ARHGEF33: variants seen among roughly 807,000 people sequenced by gnomAD.
The protein encoded by ARHGEF33 is DH and coiled-coil domain-containing protein ENSP00000381780.
ARHGEF33 carries 72 observed loss-of-function variants against 101.9 expected under a neutral mutation model. That is an observed-to-expected ratio of 0.71 (90% CI 0.58 to 0.86). ARHGEF33 has a LOEUF of 0.86. Among genes scored for constraint, ARHGEF33 ranks in the 40% least tolerant of loss-of-function variants. The pLI is 0.00. For synonymous variants in ARHGEF33, 499 were observed against 442.5 expected (o/e 1.13, Z -1.60); for missense variants, 1,169 against 1,111.3 (o/e 1.05, Z -0.74).
Position 38,889,894 on chromosome 2 carries a change from C to T in ARHGEF33, c.-251C>T, listed in dbSNP as rs1427725944. On this transcript the variant is annotated 5_prime_UTR_variant, in exon 1 of 18. Transcript: ENST00000409978. ...GGTCTCGTTTCAGGGGAAGTCAAGC[C>T]TCTCTACTGCTTCTTTTTATAACCT... 2.1e-6 allele frequency: 1 copy of T among 470,806 alleles called. No homozygotes were observed. Among genetic ancestry groups the T allele is most frequent in the Non-Finnish European group, 4.4e-6 (1 of 226,942 alleles). The allele number at this position is 470,806 out of a possible 1,614,324, so 29.2% of individuals were successfully genotyped here.
Position 38,975,154 on chromosome 2 carries a change from TGTAA to T in ARHGEF33, c.*1314_*1317del, listed in dbSNP as rs1230807366. ...TTGATAAAATAGGCAAAGGTTCACA[TGTAA>T]GTGTTGCAAGTTTTCTTCTCCTTGT... On this transcript the variant is annotated 3_prime_UTR_variant, in exon 18 of 18. Transcript: ENST00000409978. 6 of 152,234 alleles carry T rather than the reference TGTAA, an allele frequency of 3.9e-5. No individual in the cohort carries two copies. Among genetic ancestry groups the T allele is most frequent in the East Asian group, 1.9e-4 (1 of 5,202 alleles). The allele number at this position is 152,234 out of a possible 1,614,324, so 9.4% of individuals were successfully genotyped here. A position where few individuals can be genotyped will look rare whatever the true frequency, so the allele number is the denominator to read the frequency against.
At chr2:38,911,814 A>G (rs932404107) in intron 2 of ARHGEF33, among the ~76,000 whole-genome samples, 1 of 152,182 alleles carries the variant, frequency 6.6e-6, no homozygotes, top group Non-Finnish European at 1.5e-5. Flanking sequence ...AGGTTGAGGC[A>G]GTGAGCCATG....
chr2:38,929,914 C>T, intron 6 of ARHGEF33, 84 bp downstream of exon 6: 1 of 1,229,408 alleles, frequency 8.1e-7, no homozygotes, highest in Admixed American at 2.3e-5. Context: ...TCCCCACTAT[C>T]AGTGTATAGC....
chr2:38,931,472 A>G (rs771380264), intron 7 of ARHGEF33, among the ~76,000 whole-genome samples: 27 of 152,120 alleles, frequency 1.8e-4, no homozygotes, highest in Non-Finnish European at 3.7e-4. Flanking sequence ...GGGGAATACT[A>G]ATCTGGATAC....
intron 2 of ARHGEF33, among the ~76,000 whole-genome samples, chr2:38,905,501 A>T (rs1004032126): frequency 6.6e-6 from 1 of 152,318 alleles, no homozygotes; most frequent in Admixed American, 6.5e-5. Flanking sequence ...AACGCTCCTT[A>T]TACTACAGAT....
chr2:38,928,673 G>T, intron 4 of ARHGEF33: 4 of 301,216 alleles, frequency 1.3e-5, no homozygotes, highest in Non-Finnish European at 1.8e-5. Context: ...TTAACAGCTT[G>T]CTTTCTTGTC....
chr2:38,910,470 G>A (rs1666485281), intron 2 of ARHGEF33, among the ~76,000 whole-genome samples: 1 of 152,182 alleles, frequency 6.6e-6, no homozygotes, highest in Non-Finnish European at 1.5e-5. Context: ...CTACTCGGGA[G>A]GCTGAGGCAG....
chr2:38,924,565 A>G (rs545286520), intron 4 of ARHGEF33, among the ~76,000 whole-genome samples: 1 of 152,310 alleles, frequency 6.6e-6, no homozygotes, highest in African/African-American at 2.4e-5. Context: ...TTTTAAGCTC[A>G]CTTGTAGCCT....
intron 10 of ARHGEF33, among the ~76,000 whole-genome samples, chr2:38,948,875 C>A (rs550197212): frequency 2.2e-4 from 34 of 152,172 alleles, no homozygotes; most frequent in Admixed American, 2.2e-3. Flanking sequence ...CAGTATACCC[C>A]GTAGCTACCC....
At chr2:38,956,477 A>C (rs1031326793) in intron 13 of ARHGEF33, among the ~76,000 whole-genome samples, 69 of 152,218 alleles carry the variant, frequency 4.5e-4, no homozygotes, top group Admixed American at 1.7e-3. Context: ...CGGGGAATGT[A>C]ACAGAAGGGG....
At chr2:38,919,700 C>G (rs781134669) in intron 3 of ARHGEF33, among the ~76,000 whole-genome samples, 4 of 152,166 alleles carry the variant, frequency 2.6e-5, no homozygotes, top group East Asian at 1.9e-4. Context: ...CTTTAGGACT[C>G]CCTCAGAACA....
chr2:38,960,365 G>A lies in ARHGEF33; in HGVS notation c.2060G>A (p.Ser687Asn). The A allele has an allele frequency of 2.6e-6, 4 of 1,528,100 alleles. No homozygotes were observed. Among genetic ancestry groups the A allele is most frequent in the Non-Finnish European group, 3.5e-6 (4 of 1,141,864 alleles). The allele number at this position is 1,528,100 out of a possible 1,614,324, so 94.7% of individuals were successfully genotyped here. A position where few individuals can be genotyped will look rare whatever the true frequency, so the allele number is the denominator to read the frequency against. The change falls in exon 16 of 18, where the codon AGC becomes AAC. Residue 687 changes from serine (S) to asparagine (N), a missense_variant. Transcript: ENST00000409978. The part of the protein sequence containing the change: ...PKSATSPAGS[S>N]SAYKLEAAAQ... Reference sequence around the variant, plus strand: ...AGCGCTACGTCGCCGGCGGGCAGCAGCAGCGCCTACAAACTGGAGGCGGCG... The same window carrying A: ...AGCGCTACGTCGCCGGCGGGCAGCAACAGCGCCTACAAACTGGAGGCGGCG...
Position 38,925,473 on chromosome 2 carries a change from C to T in ARHGEF33, c.76-3434C>T, listed in dbSNP as rs575792153. ...CTAGGCCTGTGGTGTATCCAGGGAT[C>T]GATAAGCACACCAGGCTGCATGTCA... On this transcript the variant is annotated intron_variant, in intron 4 of 17. Transcript: ENST00000409978. Among the ~76,000 whole-genome samples, 37 of 152,200 alleles carry T rather than the reference C, an allele frequency of 2.4e-4. 2 individuals carry two copies. The highest frequency in any genetic ancestry group is 1.8e-3 in the Admixed American group (28 of 15,286).
intron 13 of ARHGEF33, 110 bp downstream of exon 13, chr2:38,954,566 A>G (rs947006068): frequency 9.9e-6 from 7 of 704,076 alleles, no homozygotes; most frequent in African/African-American, 7.1e-5. Flanking sequence ...AATATTTCTA[A>G]GAAGTGTTTA....
At chr2:38,894,640 A>G (rs1204827538) in intron 1 of ARHGEF33, among the ~76,000 whole-genome samples, 1 of 152,038 alleles carries the variant, frequency 6.6e-6, no homozygotes, top group African/African-American at 2.4e-5. Flanking sequence ...CTAGGTCTCC[A>G]CCTATCTCAC....
At chr2:38,931,820 C>A (rs191639729) in intron 7 of ARHGEF33, among the ~76,000 whole-genome samples, 1 of 152,334 alleles carries the variant, frequency 6.6e-6, no homozygotes, top group Admixed American at 6.5e-5. Flanking sequence ...TTTGTATCCT[C>A]AACCATGTCT....
At chr2:38,928,721 A>G in intron 4 of ARHGEF33, 186 bp from the exon 5 acceptor site, 1 of 468,146 alleles carries the variant, frequency 2.1e-6, no homozygotes, top group Non-Finnish European at 3.8e-6. Flanking sequence ...TATAAAGAAG[A>G]CACTCTTTTT....
At chr2:38,919,561 A>G in intron 3 of ARHGEF33, 89 bp downstream of exon 3, 2 of 1,306,158 alleles carry the variant, frequency 1.5e-6, no homozygotes, top group Non-Finnish European at 1.1e-6. Flanking sequence ...GAGACATGAC[A>G]GTATGTTAAC....
At position 38,960,315 on chromosome 2, in the gene ARHGEF33, G is replaced by T; in HGVS notation, c.2010G>T (p.Glu670Asp). ...VSFAMEAERP[E>D]HPLQPLPKSA... ...TCGCCATGGAGGCCGAGCGGCCGGAGCACCCGCTGCAGCCGCTGCCCAAGA... is the reference window on the plus strand; with the variant it reads ...TCGCCATGGAGGCCGAGCGGCCGGATCACCCGCTGCAGCCGCTGCCCAAGA... The change falls in exon 16 of 18, where the codon GAG becomes GAT. Residue 670 changes from glutamate (E) to aspartate (D), a missense_variant. By Grantham distance (45) the Glu-to-Asp change is conservative. Transcript: ENST00000409978. 6.5e-7 allele frequency: 1 copy of T among 1,542,856 alleles called. No individual in the cohort carries two copies. Among genetic ancestry groups the T allele is most frequent in the Non-Finnish European group, 8.7e-7 (1 of 1,145,846 alleles).
Sources: allele counts gnomAD v4.1 joint callset (sites outside exome capture counted in the v4.1 genomes callset), GRCh38; gene constraint gnomAD v4.1.1; transcripts MANE v1.5; gene names NCBI Gene and HGNC (gene_info 2026-07-23, HGNC 2026-07-21).